The following ZNF454 variants were observed in gnomAD, a reference collection of about 807,000 sequenced individuals.
The protein encoded by ZNF454 is zinc finger protein 454.
In ZNF454, 30 loss-of-function variants were observed where a neutral mutation model predicts 48.2. That is an observed-to-expected ratio of 0.62 (90% confidence interval 0.47 to 0.84). The LOEUF (loss-of-function observed/expected upper bound fraction) is 0.84, where lower values mean the gene tolerates loss of function less well. ZNF454 is among the 40% of genes least tolerant of loss of function. The pLI is 0.00. For synonymous variants in ZNF454, 204 were observed against 211.4 expected (o/e 0.97, Z 0.30); for missense variants, 510 against 623.1 (o/e 0.82, Z 1.93).
At chr5:178,977,269 G>A in the ZNF454 span, 1 of 281,364 alleles carries the variant, frequency 3.6e-6, no homozygotes, top group Non-Finnish European at 7.5e-6. Context: ...GGGCCTTTGG[G>A]AGGTTATGAA....
At chr5:178,945,304 G>A (rs1346027273) in intron 2 of ZNF454, among the ~76,000 whole-genome samples, 1 of 151,404 alleles carries the variant, frequency 6.6e-6, no homozygotes, top group Admixed American at 6.6e-5. Context: ...TGTGTGGTAC[G>A]TGTCTGTCTG....
intron 4 of ZNF454, among the ~76,000 whole-genome samples, chr5:178,960,279 C>T (rs1313756477): frequency 1.5e-5 from 2 of 130,402 alleles, no homozygotes; most frequent in African/African-American, 3.0e-5. Context: ...TTTTTTGAAA[C>T]GTAGTTTCGC....
chr5:178,960,125 A>T (rs1759947952), intron 4 of ZNF454, among the ~76,000 whole-genome samples: 1 of 150,378 alleles, frequency 6.6e-6, no homozygotes, highest in Non-Finnish European at 1.5e-5. Flanking sequence ...GATTTTTAAA[A>T]TTTTTTGTAG....
At chr5:178,967,571 A>T (rs932702058), downstream of ZNF454, among the ~76,000 whole-genome samples, 31 of 152,282 alleles carry the variant, frequency 2.0e-4, no homozygotes, top group Admixed American at 1.6e-3. Context: ...TTAAAGACTC[A>T]TGCTGACAGT....
chr5:178,954,911 C>T (rs1218176356), intron 4 of ZNF454, among the ~76,000 whole-genome samples: 1 of 152,236 alleles, frequency 6.6e-6, no homozygotes, highest in Non-Finnish European at 1.5e-5. Flanking sequence ...TGCTGAGTAG[C>T]CTCCCACTGT....
the ZNF454 span, chr5:178,982,713 G>T: frequency 4.3e-6 from 2 of 466,476 alleles, no homozygotes; most frequent in Non-Finnish European, 7.6e-6. Flanking sequence ...AAGAAAAAAA[G>T]AAGAGTGGAA....
intron 1 of ZNF454, 150 bp from the exon 2 acceptor site, chr5:178,942,534 AG>A (rs1759147481): frequency 4.1e-6 from 2 of 482,084 alleles, no homozygotes; most frequent in Non-Finnish European, 7.4e-6. Context: ...GTCAATGTAT[AG>A]TACCCTCAGA....
intron 4 of ZNF454, among the ~76,000 whole-genome samples, chr5:178,958,321 C>G (rs1163232340): frequency 1.3e-5 from 2 of 152,146 alleles, no homozygotes; most frequent in Admixed American, 1.3e-4. Flanking sequence ...TTTGTTTTGC[C>G]TGTTTTTAAA....
Position 178,941,472 on chromosome 5 carries a change from G to T in ZNF454, c.-108+28G>T, listed in dbSNP as rs1273978095. The stretch of plus-strand genomic sequence containing the variant: ...ATGTCTGAGATTTGATCCCAGAGAG[G>T]GAGGACGGCCAGGGGTGGTCATCCT... On this transcript the variant is annotated intron_variant, in intron 1 of 4. Coordinates refer to ENST00000519564, the MANE Select transcript of ZNF454 (RefSeq NM_001178089.3). The surrounding 1 kb of genome is among the most constrained non-coding windows in gnomAD (Gnocchi z 5.5). 2.2e-6 allele frequency: 1 copy of T among 451,718 alleles called. No homozygotes were observed. The allele number at this position is 451,718 out of a possible 1,614,324, so 28.0% of individuals were successfully genotyped here.
chr5:178,982,407 A>G, the ZNF454 span, among the ~76,000 whole-genome samples: 8 of 152,016 alleles, frequency 5.3e-5, no homozygotes, highest in African/African-American at 9.6e-5. Flanking sequence ...GTGAAACCCC[A>G]TCTCTACTAA....
the ZNF454 span, chr5:178,986,970 G>A: frequency 2.5e-6 from 4 of 1,613,834 alleles, no homozygotes; most frequent in Non-Finnish European, 3.4e-6. Context: ...ACATCACAGG[G>A]GTTCCTGCGC....
In ZNF454 at chr5:178,946,907, A is replaced by T; in HGVS notation, c.171A>T (p.Gly57=). The change falls in exon 4 of 5, where the codon GGA becomes GGT. Residue 57 remains glycine, a synonymous_variant. Transcript: ENST00000519564. This position sits in a 1 kb window ranked among gnomAD's most constrained non-coding sequence, Gnocchi z 4.5. ...TCCCCTTAAAAACAGGACTCTTAGG[A>T]CCCAAACCAGATACGTTTTCCCAGC... The part of the protein sequence containing the change: ...YSNLVSLGLL[G]PKPDTFSQLE... The T allele has an allele frequency of 1.2e-6, 2 of 1,613,878 alleles. No individual in the cohort carries two copies. The highest frequency in any genetic ancestry group is 1.7e-6 in the Non-Finnish European group (2 of 1,179,940).
intron 4 of ZNF454, 62 bp from the exon 5 acceptor site, chr5:178,964,593 C>A: frequency 2.3e-6 from 3 of 1,280,604 alleles, no homozygotes; most frequent in African/African-American, 1.5e-5. Flanking sequence ...GGCTCGTCAT[C>A]TTGCCCCATC....
the ZNF454 span, chr5:178,987,468 G>C: frequency 2.2e-6 from 1 of 456,782 alleles, no homozygotes; most frequent in Non-Finnish European, 4.4e-6. Context: ...AATGGGATGC[G>C]ATTCAGCCTT....
chr5:178,952,039 GTT>G (rs1230428854), intron 4 of ZNF454, among the ~76,000 whole-genome samples: 4 of 137,580 alleles, frequency 2.9e-5, no homozygotes, highest in African/African-American at 5.3e-5. Context: ...TGAACATCTT[GTT>G]TTTTTTTTTT....
chr5:178,956,891 T>C (rs1306404455), intron 4 of ZNF454: 2 of 345,706 alleles, frequency 5.8e-6, no homozygotes, highest in Non-Finnish European at 1.2e-5. Context: ...ATTTTTTGTT[T>C]GTTTGTTTTT....
rs374105267 is a variant in ZNF454, at chr5:178,952,187, G to A, written c.250+5201G>A. Reference sequence around the variant, plus strand: ...CGAGTAGCTGGGACTACAGGCGCCCGCCACTGCTCCCGGCTAATTTTTTGT... The same window carrying A: ...CGAGTAGCTGGGACTACAGGCGCCCACCACTGCTCCCGGCTAATTTTTTGT... On this transcript the variant is annotated intron_variant, in intron 4 of 4. Coordinates refer to ENST00000519564, the MANE Select transcript of ZNF454 (RefSeq NM_001178089.3). Among the ~76,000 whole-genome samples the A allele has an allele frequency of 3.4e-4, 52 of 152,126 alleles. 1 individual carries two copies. The highest frequency in any genetic ancestry group is 1.1e-3 in the African/African-American group (47 of 41,530).
the ZNF454 span, chr5:178,989,768 T>C: frequency 8.2e-6 from 3 of 367,320 alleles, no homozygotes; most frequent in East Asian, 1.4e-4. Context: ...GAAGATGTAA[T>C]GGGTGGAGCC....
chr5:178,968,990 G>A (rs1364718963), downstream of ZNF454: 1 of 399,410 alleles, frequency 2.5e-6, no homozygotes, highest in Non-Finnish European at 5.0e-6. Context: ...GGGTTTTCAT[G>A]AAATCAGTCC....
Sources: gnomAD v4.1 joint callset for allele counts (sites outside exome capture counted in the v4.1 genomes callset) on GRCh38, gnomAD v4.1.1 for gene constraint, Gnocchi (gnomAD v3.1) non-coding constraint, MANE v1.5 for transcripts, NCBI Gene and HGNC (gene_info 2026-07-23, HGNC 2026-07-21) for gene names.